Variants in CACNG7 observed in about 807,000 individuals in gnomAD.
CACNG7 encodes the protein voltage-dependent calcium channel gamma-7 subunit.
Under a neutral mutation model 26.3 loss-of-function variants are expected in CACNG7, and 9 were observed. The ratio of observed to expected loss-of-function variants is 0.34; its 90% confidence interval spans 0.21 to 0.60. The LOEUF is 0.60. Ranked by LOEUF, CACNG7 falls within the 20% of genes least tolerant of loss-of-function variation. The pLI is 0.81. For synonymous variants in CACNG7, 170 were observed against 157.0 expected (o/e 1.08, Z -0.62); for missense variants, 297 against 380.4 (o/e 0.78, Z 1.82).
Position 53,924,249 on chromosome 19 carries a change from G to C in CACNG7, c.424+8744G>C, listed in dbSNP as rs370757793. 2.7e-3 allele frequency among the ~76,000 whole-genome samples: 390 copies of C among 145,308 alleles called. 2 individuals carry two copies. The highest frequency in any genetic ancestry group is 9.0e-3 in the South Asian group (39 of 4,346). On this transcript the variant is annotated intron_variant, in intron 4 of 5. Transcript: ENST00000391767. ...GTTGCCCCAGGTCTGGTCATTGGTG[G>C]AGTTGCCCCAGGTCTGGTCATTGGT... is the stretch of plus-strand genomic sequence containing the variant.
intron 4 of CACNG7, among the ~76,000 whole-genome samples, chr19:53,923,898 G>GT (rs1469862793): frequency 2.9e-4 from 39 of 132,304 alleles, no homozygotes; most frequent in African/African-American, 1.1e-3. Context: ...TGGTGGAGTT[G>GT]CCCCAGGTCT....
At chr19:53,921,680 G>T (rs1172387960) in intron 4 of CACNG7, among the ~76,000 whole-genome samples, 6 of 116,216 alleles carry the variant, frequency 5.2e-5, no homozygotes, top group Non-Finnish European at 1.0e-4. Context: ...CTGGTCATTG[G>T]TGGACTTGCC....
At chr19:53,926,068 C>A (rs1410632062) in intron 4 of CACNG7, among the ~76,000 whole-genome samples, 3 of 152,158 alleles carry the variant, frequency 2.0e-5, no homozygotes, top group African/African-American at 7.2e-5. Flanking sequence ...AGGCCCTGTC[C>A]TTGGCACAGA....
At chr19:53,910,371 A>C (rs1380038167) in intron 1 of CACNG7, among the ~76,000 whole-genome samples, 15 of 42,932 alleles carry the variant, frequency 3.5e-4, no homozygotes, top group South Asian at 2.5e-3. Flanking sequence ...TTGGGGGGGA[A>C]GGAGGGGGGA....
chr19:53,925,537 C>T (rs1333417426), intron 4 of CACNG7, among the ~76,000 whole-genome samples: 2 of 51,390 alleles, frequency 3.9e-5, no homozygotes, highest in South Asian at 6.0e-4. Context: ...TTGTCCCAGG[C>T]TGGTCATTGG....
intron 4 of CACNG7, among the ~76,000 whole-genome samples, chr19:53,921,549 G>C (rs1365729527): frequency 1.1e-4 from 14 of 131,280 alleles, no homozygotes; most frequent in East Asian, 2.4e-4. Context: ...CATTGGTGGA[G>C]TTGCCCCAGG....
rs1276857873 is a variant in CACNG7 at position 53,942,827 on chromosome 19, C to G, written c.*534C>G. ...TCCTCCGGTGCAGTGGGAGGGCCGG[C>G]TTGCTCCACCCGCAGCCCCGGGGTG... On this transcript the variant is annotated 3_prime_UTR_variant, in exon 6 of 6. Coordinates refer to ENST00000391767, the MANE Select transcript of CACNG7 (RefSeq NM_031896.5). This position sits in a 1 kb window ranked among gnomAD's most constrained non-coding sequence, Gnocchi z 5.9. 1 of 155,226 alleles carries G rather than the reference C, an allele frequency of 6.4e-6. No homozygotes were observed. Among genetic ancestry groups the G allele is most frequent in the Non-Finnish European group, 1.4e-5 (1 of 70,530 alleles). The allele number at this position is 155,226 out of a possible 1,614,324, so 9.6% of individuals were successfully genotyped here. A position where few individuals can be genotyped will look rare whatever the true frequency, so the allele number is the denominator to read the frequency against.
At position 53,912,990 on chromosome 19, in the gene CACNG7, C is replaced by T. The variant is rs2068870543; in HGVS notation, c.159C>T (p.Ala53=). ...PQNQTTEVKM[A]LHAGLWRVCF... ...ACCAGACCACCGAGGTCAAGATGGC[C>T]CTGCACGCCGGCCTCTGGCGAGTCT... Residue 53 remains alanine, a synonymous_variant, in exon 2 of 6, where the codon GCC becomes GCT. Coordinates refer to ENST00000391767, the MANE Select transcript of CACNG7 (RefSeq NM_031896.5). This position sits in a 1 kb window ranked among gnomAD's most constrained non-coding sequence, Gnocchi z 4.6. 2 of 1,612,994 alleles carry T rather than the reference C, an allele frequency of 1.2e-6. No individual in the cohort carries two copies. The highest frequency in any genetic ancestry group is 2.7e-5 in the African/African-American group (2 of 74,894).
At chr19:53,929,066 G>A (rs1474242771) in intron 4 of CACNG7, among the ~76,000 whole-genome samples, 1 of 137,112 alleles carries the variant, frequency 7.3e-6, no homozygotes, top group East Asian at 2.2e-4. Context: ...CTGAGATGGC[G>A]CCATTACACC....
rs199780966 is a variant in CACNG7, at chr19:53,942,300, C to T, written c.*7C>T. ...CTCCACCTCGCCCTGCTGAGGCCCG[C>T]CCCTCGGAGCTCCCCCTGCCTCCTC... On this transcript the variant is annotated 3_prime_UTR_variant, in exon 6 of 6. Coordinates refer to ENST00000391767, the MANE Select transcript of CACNG7 (RefSeq NM_031896.5). This position sits in a 1 kb window ranked among gnomAD's most constrained non-coding sequence, Gnocchi z 5.9. 3.1e-6 allele frequency: 5 copies of T among 1,602,300 alleles called. No homozygotes were observed. The East Asian group carries it at 6.7e-5, about 22-fold the overall frequency.
chr19:53,912,962 A>G lies in CACNG7; in HGVS notation c.131A>G (p.Gln44Arg). Residue 44 changes from glutamine (Q) to arginine (R), a missense_variant, in exon 2 of 6, where the codon CAG becomes CGG. Coordinates refer to ENST00000391767, the MANE Select transcript of CACNG7 (RefSeq NM_031896.5). The surrounding 1 kb of genome is among the most constrained non-coding windows in gnomAD (Gnocchi z 4.6). Reference protein sequence around the residue: ...LYMEEGTVLPQNQTTEVKMAL... With the variant: ...LYMEEGTVLPRNQTTEVKMAL... ...ATGGAAGAAGGCACAGTGCTACCGC[A>G]GAACCAGACCACCGAGGTCAAGATG... The G allele has an allele frequency of 6.2e-7, 1 of 1,614,032 alleles. No individual in the cohort carries two copies. Among genetic ancestry groups the G allele is most frequent in the Non-Finnish European group, 8.5e-7 (1 of 1,179,934 alleles).
chr19:53,915,869 A>G (rs1300301285), intron 4 of CACNG7, among the ~76,000 whole-genome samples: 1 of 152,218 alleles, frequency 6.6e-6, no homozygotes, highest in Non-Finnish European at 1.5e-5. Context: ...AGAGCTGGGA[A>G]TGAAACTCAC....
chr19:53,916,869 C>T (rs2068902395), intron 4 of CACNG7, among the ~76,000 whole-genome samples: 1 of 150,520 alleles, frequency 6.6e-6, no homozygotes, highest in Non-Finnish European at 1.5e-5. Context: ...GTGATCTCGG[C>T]CCATTGCAAC....
intron 4 of CACNG7, among the ~76,000 whole-genome samples, chr19:53,922,073 TCTGGTATTGGTGGAGTTGTCCCCAGGC>T (rs2068962352): frequency 1.8e-5 from 1 of 55,632 alleles, no homozygotes; most frequent in Non-Finnish European, 3.4e-5. Flanking sequence ...TTGCCCCAGG[TCTGGTATTGGTGGAGTTGTCCCCAGGC>T]CTGGTCATTG....
At position 53,942,393 on chromosome 19, in the gene CACNG7, C is replaced by G. The variant is rs2069144264; in HGVS notation, c.*100C>G. 1.3e-6 allele frequency: 2 copies of G among 1,518,602 alleles called. No homozygotes were observed. The highest frequency in any genetic ancestry group is 1.3e-5 in the South Asian group (1 of 78,782). 94.1% of individuals were successfully genotyped at this position (1,518,602 alleles called of 1,614,324 possible). ...CCTTCCGTCCTCGGGACTCCTCGCT[C>G]CCACCCGGAGGAGGCTGCGCCAGCT... On this transcript the variant is annotated 3_prime_UTR_variant, in exon 6 of 6. Transcript: ENST00000391767. The surrounding 1 kb of genome is among the most constrained non-coding windows in gnomAD (Gnocchi z 5.9).
rs754629007 is a variant in CACNG7 at position 53,941,420 on chromosome 19, G to A, written c.425-50G>A. 7.0e-5 allele frequency: 103 copies of A among 1,479,172 alleles called. 1 individual carries two copies. The highest frequency in any genetic ancestry group is 2.0e-4 in the Middle Eastern group (1 of 5,116). The allele number at this position is 1,479,172 out of a possible 1,614,324, so 91.6% of individuals were successfully genotyped here. A position where few individuals can be genotyped will look rare whatever the true frequency, so the allele number is the denominator to read the frequency against. On this transcript the variant is annotated intron_variant, in intron 4 of 5. Transcript: ENST00000391767. ...GGCAGTGAGGTGGGGCTGGGGCTGG[G>A]AAAAGGGGCCCACTTCTAATGGACG...
In CACNG7 at chr19:53,924,115, C is replaced by T. The variant is rs546619825; in HGVS notation, c.424+8610C>T. ...GTCCCCAGGTCTGGGTATTGGTGGA[C>T]TTGCCCCAGGTCTGGTTATTGGTGG... On this transcript the variant is annotated intron_variant, in intron 4 of 5. Transcript: ENST00000391767. Among the ~76,000 whole-genome samples the T allele has an allele frequency of 7.8e-5, 8 of 102,214 alleles. No homozygotes were observed. In the South Asian group the frequency reaches 1.3e-3, roughly 17 times the overall value. The allele number at this position is 102,214 out of a possible 152,430, so 67.1% of individuals were successfully genotyped here.
intron 1 of CACNG7, among the ~76,000 whole-genome samples, chr19:53,910,325 G>T (rs976615724): frequency 6.7e-6 from 1 of 150,278 alleles, no homozygotes; most frequent in Non-Finnish European, 1.5e-5. Flanking sequence ...TGGCCAGAGC[G>T]TTCCCTGACT....
At chr19:53,920,101 G>A (rs536709683) in intron 4 of CACNG7, among the ~76,000 whole-genome samples, 20 of 120,902 alleles carry the variant, frequency 1.7e-4, no homozygotes, top group Non-Finnish European at 3.0e-4. Flanking sequence ...CTGGTCATTG[G>A]TGGAGTTGCC....
Sources: gnomAD v4.1 joint callset for allele counts (sites outside exome capture counted in the v4.1 genomes callset) on GRCh38, gnomAD v4.1.1 for gene constraint, Gnocchi (gnomAD v3.1) non-coding constraint, MANE v1.5 for transcripts, NCBI Gene and HGNC (gene_info 2026-07-23, HGNC 2026-07-21) for gene names.